Variants in GRB10 observed in about 807,000 individuals in gnomAD.
GRB10 encodes the protein growth factor receptor bound protein 10.
Under a neutral mutation model 80.9 loss-of-function variants are expected in GRB10, and 20 were observed. The observed-to-expected ratio is 0.25, with a 90% CI of 0.17 to 0.36. The LOEUF (loss-of-function observed/expected upper bound fraction) is 0.36. Among genes scored for constraint, GRB10 ranks in the 10% least tolerant of loss-of-function variants. The pLI, the probability that GRB10 is intolerant of heterozygous loss-of-function variation, is 1.00. For synonymous variants in GRB10, 291 were observed against 291.5 expected, an observed-to-expected ratio of 1.00 and a Z score of 0.02; for missense variants, 548 against 747.7, an observed-to-expected ratio of 0.73 and a Z score of 3.12.
At chr7:50,650,950 T>C (rs1211777366) in intron 7 of GRB10, among the ~76,000 whole-genome samples, 1 of 152,218 alleles carries the variant, frequency 6.6e-6, no homozygotes, top group East Asian at 1.9e-4. Flanking sequence ...ATTGCAAATA[T>C]TCTTTTGCAG....
intron 5 of GRB10, among the ~76,000 whole-genome samples, chr7:50,686,524 C>G (rs1213455808): frequency 6.6e-6 from 1 of 152,114 alleles, no homozygotes; most frequent in African/African-American, 2.4e-5. Context: ...AGGGGATGCT[C>G]CAGGTTTTGA....
chr7:50,717,888 A>T (rs1261105441), intron 4 of GRB10, among the ~76,000 whole-genome samples: 1 of 152,204 alleles, frequency 6.6e-6, no homozygotes, highest in Non-Finnish European at 1.5e-5. Context: ...GACCTACGAG[A>T]CGCAACCACA....
chr7:50,690,267 G>C (rs2062641849), intron 5 of GRB10, among the ~76,000 whole-genome samples: 1 of 151,902 alleles, frequency 6.6e-6, no homozygotes, highest in African/African-American at 2.4e-5. Flanking sequence ...CTGCACTCCA[G>C]CCTGGGCAAC....
intron 7 of GRB10, among the ~76,000 whole-genome samples, chr7:50,666,989 G>C (rs890300296): frequency 2.1e-5 from 3 of 143,184 alleles, no homozygotes; most frequent in African/African-American, 7.8e-5. Context: ...GCAGTGAGCC[G>C]AGATTGCGCC....
intron 7 of GRB10, among the ~76,000 whole-genome samples, chr7:50,644,459 C>G (rs985052098): frequency 6.6e-6 from 1 of 152,094 alleles, no homozygotes; most frequent in African/African-American, 2.4e-5. Context: ...AAAGCAGCCC[C>G]CCAGCAACCT....
upstream of GRB10, among the ~76,000 whole-genome samples, chr7:50,784,268 A>C (rs565320031): frequency 6.6e-6 from 1 of 152,174 alleles, no homozygotes; most frequent in Non-Finnish European, 1.5e-5. Flanking sequence ...AAGTGTGGAG[A>C]AATTATGTAA....
chr7:50,670,014 A>T (rs939923534), intron 6 of GRB10, 151 bp from the exon 7 acceptor site: 1 of 899,530 alleles, frequency 1.1e-6, no homozygotes, highest in African/African-American at 1.6e-5. Context: ...CACAAAAGCC[A>T]AAAAGTAGAG....
chr7:50,747,888 C>A (rs1188818441), intron 3 of GRB10, among the ~76,000 whole-genome samples: 1 of 151,996 alleles, frequency 6.6e-6, no homozygotes, highest in Non-Finnish European at 1.5e-5. Flanking sequence ...GATGAATGGG[C>A]AGGATGCATG....
At chr7:50,615,345 A>G (rs2050401722) in intron 11 of GRB10, among the ~76,000 whole-genome samples, 1 of 152,080 alleles carries the variant, frequency 6.6e-6, no homozygotes, top group African/African-American at 2.4e-5. Flanking sequence ...GCTCTACGAA[A>G]TACCCTCCCA....
chr7:50,688,298 G>A (rs2237488), intron 5 of GRB10, among the ~76,000 whole-genome samples: 137,906 of 152,286 alleles, frequency 0.91, 62,586 homozygotes, highest in African/African-American at 0.96. Context: ...AACTGCAAAG[G>A]CAGACATGTA....
chr7:50,774,382 A>G (rs1453013774), intron 2 of GRB10, among the ~76,000 whole-genome samples: 1 of 152,258 alleles, frequency 6.6e-6, no homozygotes, highest in African/African-American at 2.4e-5. Context: ...TTGAGACTGG[A>G]TAACTTATAA....
At chr7:50,764,020 A>T (rs1029443582) in intron 2 of GRB10, among the ~76,000 whole-genome samples, 1 of 152,206 alleles carries the variant, frequency 6.6e-6, no homozygotes. Flanking sequence ...CCCATGCTGG[A>T]GTCACCTCAC....
chr7:50,786,481 CA>C (rs1195046086), upstream of GRB10, among the ~76,000 whole-genome samples: 2 of 150,202 alleles, frequency 1.3e-5, no homozygotes, highest in Non-Finnish European at 3.0e-5. Context: ...CCAGACATGA[CA>C]AAACAAAACA....
At chr7:50,741,658 C>T (rs1288945856) in intron 3 of GRB10, among the ~76,000 whole-genome samples, 1 of 150,290 alleles carries the variant, frequency 6.7e-6, no homozygotes, top group Non-Finnish European at 1.5e-5. Context: ...CAGTCCTAGA[C>T]AATTAGGACA....
intron 4 of GRB10, among the ~76,000 whole-genome samples, chr7:50,731,736 T>C (rs2069769018): frequency 6.6e-6 from 1 of 152,230 alleles, no homozygotes; most frequent in Non-Finnish European, 1.5e-5. Flanking sequence ...AATGAACTTG[T>C]TCTCCCACAA....
At chr7:50,666,171 T>TA (rs1429115561) in intron 7 of GRB10, among the ~76,000 whole-genome samples, 4 of 152,210 alleles carry the variant, frequency 2.6e-5, no homozygotes, top group African/African-American at 9.6e-5. Flanking sequence ...TGCCACGTCT[T>TA]AGACTACCAA....
At chr7:50,764,103 A>T (rs962905819) in intron 2 of GRB10, among the ~76,000 whole-genome samples, 2 of 151,856 alleles carry the variant, frequency 1.3e-5, no homozygotes, top group African/African-American at 4.8e-5. Context: ...TCTGCCTTGT[A>T]TTTGGAATTT....
At chr7:50,756,090 G>A (rs1318963522) in intron 2 of GRB10, 34 bp from the exon 3 acceptor site, 6 of 398,610 alleles carry the variant, frequency 1.5e-5, no homozygotes, top group East Asian at 3.6e-5. Flanking sequence ...CTGAACTTCC[G>A]TAGAATTTAT....
intron 7 of GRB10, among the ~76,000 whole-genome samples, chr7:50,632,496 C>T (rs2054185338): frequency 6.6e-6 from 1 of 152,328 alleles, no homozygotes; most frequent in East Asian, 1.9e-4. Context: ...TGTCTGAACA[C>T]AGCAAAGAGT....
Sources: gnomAD v4.1 joint callset for allele counts (sites outside exome capture counted in the v4.1 genomes callset) on GRCh38, gnomAD v4.1.1 for gene constraint, MANE v1.5 for transcripts, NCBI Gene and HGNC (gene_info 2026-07-23, HGNC 2026-07-21) for gene names.